Variants in MAP4K4 observed in about 807,000 individuals in gnomAD.
MAP4K4 encodes the protein mitogen-activated protein kinase kinase kinase kinase 4.
In MAP4K4, 38 loss-of-function variants were observed where a neutral mutation model predicts 189.6. The ratio of observed to expected loss-of-function variants is 0.20; its 90% CI spans 0.15 to 0.26. MAP4K4 has a LOEUF of 0.26. Ranked by LOEUF, MAP4K4 falls within the 10% of genes least tolerant of loss-of-function variation. The probability of loss-of-function intolerance (pLI) is 1.00; values close to 1 mark genes in which losing one functional copy is unlikely to be tolerated. For synonymous variants in MAP4K4, 610 were observed against 624.3 expected (o/e 0.98, Z 0.34); for missense variants, 1,054 against 1,726.9 (o/e 0.61, Z 6.91).
At chr2:101,799,205 G>A (rs2094122434) in intron 3 of MAP4K4, among the ~76,000 whole-genome samples, 1 of 152,118 alleles carries the variant, frequency 6.6e-6, no homozygotes, top group Non-Finnish European at 1.5e-5. Flanking sequence ...GCATGATAAA[G>A]CTCAGTTTCC....
rs576373611 is a variant in MAP4K4, at chr2:101,866,076, G to C, written c.2205-352G>C. 2.6e-5 allele frequency among the ~76,000 whole-genome samples: 4 copies of C among 152,282 alleles called. No individual in the cohort carries two copies. The East Asian group carries it at 7.7e-4, about 29-fold the overall frequency. On this transcript the variant is annotated intron_variant, in intron 18 of 32. Coordinates refer to ENST00000324219, the Ensembl canonical transcript of MAP4K4. ...CAGCCTAGAAACAGAATATAGTTTT[G>C]TGTATAATTATACAAATACGGAGTG...
intron 2 of MAP4K4, among the ~76,000 whole-genome samples, chr2:101,756,112 G>A (rs1194579427): frequency 6.6e-6 from 1 of 151,394 alleles, no homozygotes; most frequent in African/African-American, 2.4e-5. Flanking sequence ...GGCTAATTTA[G>A]TTTTTGTATT....
chr2:101,788,952 G>A (rs530575803), intron 2 of MAP4K4, among the ~76,000 whole-genome samples: 55 of 152,170 alleles, frequency 3.6e-4, no homozygotes, highest in Admixed American at 1.1e-3. Flanking sequence ...TGATTTGTAG[G>A]GATCTTAGGT....
At chr2:101,885,233 T>G (rs2098463712) in exon 29 of MAP4K4, 1 of 1,607,944 alleles carries the variant, frequency 6.2e-7, no homozygotes, top group Non-Finnish European at 8.5e-7. Context: ...TGAAGAGTTC[T>G]GTGGAAGTCT....
At chr2:101,750,823 C>CT (rs2068513266) in intron 2 of MAP4K4, among the ~76,000 whole-genome samples, 2 of 143,194 alleles carry the variant, frequency 1.4e-5, no homozygotes, top group South Asian at 4.4e-4. Context: ...AAGACCCTGT[C>CT]TAAAAAAAAA....
chr2:101,794,527 G>C (rs139097039), intron 3 of MAP4K4, among the ~76,000 whole-genome samples: 11 of 152,224 alleles, frequency 7.2e-5, no homozygotes, highest in Non-Finnish European at 1.5e-4. Context: ...TTCAACATTT[G>C]TTAACATTTT....
At chr2:101,862,915 A>G (rs371075203) in intron 16 of MAP4K4, among the ~76,000 whole-genome samples, 11 of 152,230 alleles carry the variant, frequency 7.2e-5, no homozygotes, top group East Asian at 3.8e-4. Context: ...AGTTTATGTC[A>G]AGTACATTGA....
intron 2 of MAP4K4, among the ~76,000 whole-genome samples, chr2:101,749,814 GA>G (rs1415806230): frequency 4.4e-5 from 6 of 136,070 alleles, no homozygotes; most frequent in Non-Finnish European, 9.2e-5. Context: ...AAATTTACAA[GA>G]AAAAAACAAA....
At chr2:101,829,939 C>A (rs2096543247) in intron 6 of MAP4K4, among the ~76,000 whole-genome samples, 1 of 152,162 alleles carries the variant, frequency 6.6e-6, no homozygotes, top group South Asian at 2.1e-4. Context: ...AGGATCTGAC[C>A]CGTGCTACTT....
chr2:101,812,827 A>G (rs895102775), intron 3 of MAP4K4, among the ~76,000 whole-genome samples: 1 of 152,192 alleles, frequency 6.6e-6, no homozygotes, highest in Admixed American at 6.5e-5. Context: ...GTGTTTGCCT[A>G]TTTAAATTGG....
chr2:101,865,544 G>A (rs2074744), intron 18 of MAP4K4, among the ~76,000 whole-genome samples: 93,390 of 152,136 alleles, frequency 0.61, 30,432 homozygotes, highest in African/African-American at 0.84. Flanking sequence ...TAAAGTTTAA[G>A]TTTAGTTAAA....
rs181096320 is a variant in MAP4K4 at position 101,706,253 on chromosome 2, C to T, written c.123+7715C>T. Among the ~76,000 whole-genome samples the T allele has an allele frequency of 2.6e-5, 4 of 152,244 alleles. No homozygotes were observed. The East Asian group carries it at 5.8e-4, about 22-fold the overall frequency. ...TTTATCAGTTTTATACATTTATTGA[C>T]GTCCTCTAGCAGTAGTTGTAGTTAT... On this transcript the variant is annotated intron_variant, in intron 2 of 32. Coordinates refer to ENST00000324219, the Ensembl canonical transcript of MAP4K4.
rs76016478 is a variant in MAP4K4 at position 101,787,359 on chromosome 2, C to T, written c.124-3361C>T. Reference sequence around the variant, plus strand: ...CAGTGAGTAATGCCTTTTCCTGTGTCCTTAAGTTCCCAGCATAATGCAGTC... The same window carrying T: ...CAGTGAGTAATGCCTTTTCCTGTGTTCTTAAGTTCCCAGCATAATGCAGTC... On this transcript the variant is annotated intron_variant, in intron 2 of 32. Coordinates refer to ENST00000324219, the Ensembl canonical transcript of MAP4K4. 9.7e-4 allele frequency among the ~76,000 whole-genome samples: 147 copies of T among 152,302 alleles called. No individual in the cohort carries two copies. The East Asian group carries it at 0.015, about 16-fold the overall frequency.
At chr2:101,761,744 A>G (rs1384012760) in intron 2 of MAP4K4, among the ~76,000 whole-genome samples, 3 of 151,910 alleles carry the variant, frequency 2.0e-5, no homozygotes, top group Non-Finnish European at 4.4e-5. Context: ...TTTAATAGAG[A>G]CAGGGTTTCA....
chr2:101,789,015 A>T (rs1288063526), intron 2 of MAP4K4, among the ~76,000 whole-genome samples: 14 of 152,278 alleles, frequency 9.2e-5, no homozygotes. Flanking sequence ...TTTTACTAAC[A>T]CATTCCCAAT....
chr2:101,701,379 A>G (rs1464050311), intron 2 of MAP4K4, among the ~76,000 whole-genome samples: 2 of 152,148 alleles, frequency 1.3e-5, no homozygotes, highest in Non-Finnish European at 2.9e-5. Flanking sequence ...GTGTGGCAGT[A>G]GGGCTAAGAG....
chr2:101,734,042 AC>A (rs1339583174), intron 2 of MAP4K4, among the ~76,000 whole-genome samples: 2 of 151,784 alleles, frequency 1.3e-5, no homozygotes, highest in African/African-American at 4.8e-5. Context: ...TGCTCCCCAC[AC>A]CCCCCAAGTG....
At chr2:101,826,809 T>TAA (rs1427657310) in intron 5 of MAP4K4, among the ~76,000 whole-genome samples, 1 of 152,202 alleles carries the variant, frequency 6.6e-6, no homozygotes, top group Non-Finnish European at 1.5e-5. Flanking sequence ...TTCAATGAGT[T>TAA]AGTGTATATT....
In MAP4K4 at chr2:101,822,883, G is replaced by T. The variant is rs551279840; in HGVS notation, c.181-1045G>T. Reference sequence around the variant, plus strand: ...CAGTATAGGGGATTCTAGAGATCTGGTCATCAGATTTCTCTTGATCTTACA... The same window carrying T: ...CAGTATAGGGGATTCTAGAGATCTGTTCATCAGATTTCTCTTGATCTTACA... On this transcript the variant is annotated intron_variant, in intron 3 of 32. Transcript: ENST00000324219. Among the ~76,000 whole-genome samples the T allele has an allele frequency of 2.0e-5, 3 of 152,158 alleles. No individual in the cohort carries two copies. In the South Asian group the frequency reaches 6.2e-4, roughly 31 times the overall value.
Sources: gnomAD v4.1 joint callset for allele counts (sites outside exome capture counted in the v4.1 genomes callset) on GRCh38, gnomAD v4.1.1 for gene constraint, MANE v1.5 for transcripts, NCBI Gene and HGNC (gene_info 2026-07-23, HGNC 2026-07-21) for gene names.